SLC9A9: variants seen among roughly 807,000 people sequenced by gnomAD.
SLC9A9 encodes solute carrier family 9 member A9.
SLC9A9 carries 62 observed loss-of-function variants against 77.8 expected under a neutral mutation model. The observed-to-expected ratio is 0.80, with a 90% confidence interval of 0.65 to 0.98. The LOEUF (loss-of-function observed/expected upper bound fraction) is 0.98, where lower values mean the gene tolerates loss of function less well. SLC9A9 is among the 50% of genes least tolerant of loss of function. SLC9A9 has a pLI of 0.00. For missense variants in SLC9A9, 775 were observed against 774.9 expected, an observed-to-expected ratio of 1.00 and a Z score of 0.00; for synonymous variants, 320 against 283.5, an observed-to-expected ratio of 1.13 and a Z score of -1.29.
At chr3:143,829,459 T>C (rs988054608) in intron 2 of SLC9A9, among the ~76,000 whole-genome samples, 3 of 152,104 alleles carry the variant, frequency 2.0e-5, no homozygotes, top group Non-Finnish European at 4.4e-5. Context: ...CAATCCCTAC[T>C]GCCTACCCAA....
chr3:143,405,751 T>C (rs1271230354), intron 12 of SLC9A9, among the ~76,000 whole-genome samples: 2 of 152,210 alleles, frequency 1.3e-5, no homozygotes, highest in Non-Finnish European at 2.9e-5. Flanking sequence ...GGAGCTCCTG[T>C]ATTCTTGGTT....
At chr3:143,431,485 C>CTTTT in intron 12 of SLC9A9, among the ~76,000 whole-genome samples, 1 of 130,112 alleles carries the variant, frequency 7.7e-6, no homozygotes, top group Admixed American at 7.6e-5. Context: ...CTGCCCCCAC[C>CTTTT]TTTTTTTTTT....
intron 9 of SLC9A9, among the ~76,000 whole-genome samples, chr3:143,533,255 C>G (rs1203350010): frequency 6.6e-6 from 1 of 152,204 alleles, no homozygotes; most frequent in Non-Finnish European, 1.5e-5. Context: ...GGGCCTTGCT[C>G]CAGGACATAC....
intron 14 of SLC9A9, among the ~76,000 whole-genome samples, chr3:143,355,521 GATAGGCTATA>G (rs2032563086): frequency 6.6e-6 from 1 of 152,212 alleles, no homozygotes; most frequent in Non-Finnish European, 1.5e-5. Flanking sequence ...CTAGTAAGTA[GATAGGCTATA>G]ATAGCAAATC....
At chr3:143,568,285 T>TA (rs2037203219) in intron 8 of SLC9A9, among the ~76,000 whole-genome samples, 1 of 152,100 alleles carries the variant, frequency 6.6e-6, no homozygotes, top group South Asian at 2.1e-4. Flanking sequence ...TCAGATGTCC[T>TA]AATTCTCTTT....
intron 11 of SLC9A9, among the ~76,000 whole-genome samples, chr3:143,480,819 G>T (rs1220446159): frequency 2.6e-5 from 4 of 152,182 alleles, no homozygotes; most frequent in African/African-American, 7.2e-5. Context: ...GAAGGTAAAA[G>T]AACACTGGAC....
At chr3:143,624,591 A>T (rs1287520096) in intron 6 of SLC9A9, among the ~76,000 whole-genome samples, 2 of 152,180 alleles carry the variant, frequency 1.3e-5, no homozygotes, top group Admixed American at 6.5e-5. Flanking sequence ...ACTCTCAATA[A>T]ATCAGGTATT....
intron 6 of SLC9A9, among the ~76,000 whole-genome samples, chr3:143,601,041 G>A (rs2037837677): frequency 6.6e-6 from 1 of 152,204 alleles, no homozygotes; most frequent in Non-Finnish European, 1.5e-5. Context: ...ATTTCTCTTA[G>A]ACATGGGAAG....
At chr3:143,278,597 C>CTATT (rs1938122557) in intron 14 of SLC9A9, among the ~76,000 whole-genome samples, 1 of 152,236 alleles carries the variant, frequency 6.6e-6, no homozygotes, top group African/African-American at 2.4e-5. Context: ...GCTCCAATCT[C>CTATT]TATTTCTGTC....
intron 6 of SLC9A9, among the ~76,000 whole-genome samples, chr3:143,599,887 T>A (rs1480217534): frequency 4.0e-5 from 6 of 151,872 alleles, no homozygotes; most frequent in Non-Finnish European, 5.9e-5. Flanking sequence ...AGAAACCAAA[T>A]CAAAACAAAA....
chr3:143,298,378 T>C (rs1239517530), intron 14 of SLC9A9, among the ~76,000 whole-genome samples: 1 of 152,226 alleles, frequency 6.6e-6, no homozygotes, highest in South Asian at 2.1e-4. Flanking sequence ...GTTCTCCTTG[T>C]TGGATCATAG....
intron 5 of SLC9A9, among the ~76,000 whole-genome samples, chr3:143,677,351 C>T (rs1047094073): frequency 2.6e-5 from 4 of 152,050 alleles, no homozygotes; most frequent in Non-Finnish European, 4.4e-5. Flanking sequence ...TCAACAATGC[C>T]TGCTGGAAAA....
intron 6 of SLC9A9, among the ~76,000 whole-genome samples, chr3:143,642,592 T>C (rs1576629427): frequency 6.6e-6 from 1 of 152,380 alleles, no homozygotes; most frequent in South Asian, 2.1e-4. Context: ...TCAATTTATC[T>C]CTTTAATTTT....
At chr3:143,300,441 T>A (rs984906953) in intron 14 of SLC9A9, among the ~76,000 whole-genome samples, 9 of 152,192 alleles carry the variant, frequency 5.9e-5, no homozygotes, top group African/African-American at 2.2e-4. Context: ...TGTATAAACT[T>A]TTTTAGGGGG....
chr3:143,423,248 T>C (rs866493825), intron 12 of SLC9A9, among the ~76,000 whole-genome samples: 2 of 143,738 alleles, frequency 1.4e-5, no homozygotes, highest in East Asian at 2.1e-4. Flanking sequence ...CACGCGCGTG[T>C]ACACACACAC....
intron 14 of SLC9A9, among the ~76,000 whole-genome samples, chr3:143,302,893 C>T (rs1488023095): frequency 1.3e-5 from 2 of 152,216 alleles, no homozygotes; most frequent in Non-Finnish European, 2.9e-5. Context: ...TCTCAATTAT[C>T]CTCCACAAGA....
chr3:143,444,283 C>A (rs890215451), intron 12 of SLC9A9, among the ~76,000 whole-genome samples: 3 of 152,256 alleles, frequency 2.0e-5, no homozygotes, highest in African/African-American at 4.8e-5. Context: ...GTGAGGCCAG[C>A]CAATTGTAAA....
At chr3:143,490,826 T>A (rs535255464) in intron 11 of SLC9A9, among the ~76,000 whole-genome samples, 9 of 152,302 alleles carry the variant, frequency 5.9e-5, no homozygotes, top group African/African-American at 2.2e-4. Context: ...TTCCTTTACA[T>A]AAATATGTAA....
At chr3:143,458,092 G>C (rs1260034769) in intron 12 of SLC9A9, among the ~76,000 whole-genome samples, 1 of 151,956 alleles carries the variant, frequency 6.6e-6, no homozygotes. Flanking sequence ...ATCAATTTTT[G>C]CTTTATGTAT....
Sources: allele counts gnomAD v4.1 joint callset (sites outside exome capture counted in the v4.1 genomes callset), GRCh38; gene constraint gnomAD v4.1.1; transcripts MANE v1.5; gene names NCBI Gene and HGNC (gene_info 2026-07-23, HGNC 2026-07-21).